Variants in ANKRD53 observed in about 807,000 individuals in gnomAD.
The protein encoded by ANKRD53 is ankyrin repeat domain 53.
A neutral mutation model predicts 30.1 loss-of-function variants in ANKRD53; 27 were observed. That is an observed-to-expected ratio of 0.90 (90% CI 0.66 to 1.24). The LOEUF is 1.24. ANKRD53 is among the 50% of genes most tolerant of loss of function. ANKRD53 has a pLI of 0.00. For missense variants in ANKRD53, 682 were observed against 721.0 expected, an observed-to-expected ratio of 0.95 and a Z score of 0.62; for synonymous variants, 286 against 295.4, an observed-to-expected ratio of 0.97 and a Z score of 0.33.
Position 70,985,076 on chromosome 2 carries a change from C to A in ANKRD53, c.1369C>A (p.Arg457Ser), listed in dbSNP as rs781897587. The A allele has an allele frequency of 1.3e-6, 2 of 1,550,474 alleles. No homozygotes were observed. Among genetic ancestry groups the A allele is most frequent in the Non-Finnish European group, 1.7e-6 (2 of 1,147,002 alleles). Reference protein sequence around the residue: ...VPRLPFEVLLRMLYPRVWPYR... With the variant: ...VPRLPFEVLLSMLYPRVWPYR... Reference sequence around the variant, plus strand: ...GCGGCTGCCTTTTGAGGTGCTGCTGCGCATGCTGTACCCACGTGTATGGCC... The same window carrying A: ...GCGGCTGCCTTTTGAGGTGCTGCTGAGCATGCTGTACCCACGTGTATGGCC... Residue 457 changes from arginine (R) to serine (S), a missense_variant, in exon 6 of 6, where the codon CGC (arginine) becomes AGC (serine). By Grantham distance (110) the Arg-to-Ser change is moderately radical. Coordinates refer to ENST00000360589, the MANE Select transcript of ANKRD53 (RefSeq NM_001115116.2).
Position 70,978,849 on chromosome 2 carries a change from G to C in ANKRD53, c.170+34G>C. On this transcript the variant is annotated intron_variant, in intron 1 of 5. Transcript: ENST00000360589. This position sits in a 1 kb window ranked among gnomAD's most constrained non-coding sequence, Gnocchi z 4.3. ...CGGGAGAAGGTGTCCCGGCTGCAGG[G>C]AGCGAGAACCCGGCCCAGCGCCTCC... 3.3e-6 allele frequency: 5 copies of C among 1,538,006 alleles called. No individual in the cohort carries two copies. Among genetic ancestry groups the C allele is most frequent in the Non-Finnish European group, 4.4e-6 (5 of 1,141,352 alleles).
At position 70,979,235 on chromosome 2, in the gene ANKRD53, GACGGCGATCGGGAGCT is replaced by G. The variant is rs782685696; in HGVS notation, c.312_327del (p.Ala105ThrfsTer18). The G allele has an allele frequency of 9.3e-6, 15 of 1,613,426 alleles. No homozygotes were observed. Among genetic ancestry groups the G allele is most frequent in the African/African-American group, 2.7e-5 (2 of 74,932 alleles). On this transcript the variant is annotated frameshift_variant, in exon 2 of 6. Coordinates refer to ENST00000360589, the MANE Select transcript of ANKRD53 (RefSeq NM_001115116.2). LOFTEE classifies it high-confidence loss of function. ...AGTCCGACCAGACGGCAATCGACCA[GACGGCGATCGGGAGCT>G]ACTACCAGCTGTTCGCAGCGGCTGT...
chr2:70,982,785 G>A lies in ANKRD53; in HGVS notation c.903+88G>A. Reference sequence around the variant, plus strand: ...AGTGACCCACATATTGTGGAGGAGTGGCTAGAAGCACTCCCACCCTGAAAG... The same window carrying A: ...AGTGACCCACATATTGTGGAGGAGTAGCTAGAAGCACTCCCACCCTGAAAG... On this transcript the variant is annotated intron_variant, in intron 5 of 5. Transcript: ENST00000360589. The surrounding 1 kb of genome is among the most constrained non-coding windows in gnomAD (Gnocchi z 4.2). 2.0e-6 allele frequency: 3 copies of A among 1,528,952 alleles called. No individual in the cohort carries two copies. The highest frequency in any genetic ancestry group is 1.2e-5 in the South Asian group (1 of 80,986). 94.7% of individuals were successfully genotyped at this position (1,528,952 alleles called of 1,614,324 possible).
intron 3 of ANKRD53, among the ~76,000 whole-genome samples, chr2:70,980,183 C>T (rs782452453): frequency 1.1e-4 from 17 of 152,152 alleles, no homozygotes; most frequent in Non-Finnish European, 1.5e-4. Context: ...GGCATGGTGG[C>T]GCATGCCTGT....
In ANKRD53 at chr2:70,984,637, T is replaced by A. The variant is rs1558689958; in HGVS notation, c.930T>A (p.Ala310=). 5.6e-6 allele frequency: 9 copies of A among 1,614,016 alleles called. No individual in the cohort carries two copies. In the Admixed American group the frequency reaches 1.2e-4, roughly 21 times the overall value. ...AAGAGCACAAAATTCTCAGAGAAGC[T>A]GCTATCAGAAAGTGGCTCCACGGCA... ...YQKEHKILRE[A]AIRKWLHGKL... Residue 310 remains alanine, a synonymous_variant, in exon 6 of 6, where the codon GCT becomes GCA. Transcript: ENST00000360589.
chr2:70,979,938 T>C (rs1669956772), intron 3 of ANKRD53, 78 bp downstream of exon 3: 3 of 1,543,028 alleles, frequency 1.9e-6, no homozygotes, highest in South Asian at 1.1e-5. Flanking sequence ...GGCAAATCCA[T>C]GCAGGACAAG....
chr2:70,985,492 C>A lies in ANKRD53; in HGVS notation c.*192C>A. The A allele has an allele frequency of 2.0e-6, 1 of 491,534 alleles. No individual in the cohort carries two copies. Among genetic ancestry groups the A allele is most frequent in the African/African-American group, 3.9e-5 (1 of 25,962 alleles). 30.4% of individuals were successfully genotyped at this position (491,534 alleles called of 1,614,324 possible). ...TTCTCTGCAAATAAATCTCTTGGCA[C>A]CCCCCCACCGCCGCCAGGAAATCCA... is the stretch of plus-strand genomic sequence containing the variant. On this transcript the variant is annotated 3_prime_UTR_variant, in exon 6 of 6. Coordinates refer to ENST00000360589, the MANE Select transcript of ANKRD53 (RefSeq NM_001115116.2).
chr2:70,980,708 G>T (rs1669982715), intron 3 of ANKRD53, among the ~76,000 whole-genome samples: 1 of 152,156 alleles, frequency 6.6e-6, no homozygotes, highest in Non-Finnish European at 1.5e-5. Context: ...CACTTTGGGA[G>T]GCTGGGGCGA....
chr2:70,982,772 AT>A lies in ANKRD53; in HGVS notation c.903+77del. ...GAGCAGAGGGGGCAGTGACCCACATATTGTGGAGGAGTGGCTAGAAGCACTC... is the reference window on the plus strand; with the variant it reads ...GAGCAGAGGGGGCAGTGACCCACATATGTGGAGGAGTGGCTAGAAGCACTC... On this transcript the variant is annotated intron_variant, in intron 5 of 5. Coordinates refer to ENST00000360589, the MANE Select transcript of ANKRD53 (RefSeq NM_001115116.2). The surrounding 1 kb of genome is among the most constrained non-coding windows in gnomAD (Gnocchi z 4.2). 1 of 1,568,884 alleles carries A rather than the reference AT, an allele frequency of 6.4e-7. No homozygotes were observed. The highest frequency in any genetic ancestry group is 1.2e-5 in the South Asian group (1 of 86,160).
intron 2 of ANKRD53, 118 bp downstream of exon 2, chr2:70,979,461 T>C: frequency 1.3e-6 from 2 of 1,514,564 alleles, no homozygotes; most frequent in Non-Finnish European, 1.8e-6. Flanking sequence ...TAACTCATCT[T>C]CTGGCTGTGG....
chr2:70,979,454 C>T, intron 2 of ANKRD53, 111 bp downstream of exon 2: 2 of 1,526,480 alleles, frequency 1.3e-6, no homozygotes, highest in Non-Finnish European at 1.8e-6. Flanking sequence ...CCTAATTTAA[C>T]TCATCTTCTG....
intron 5 of ANKRD53, chr2:70,984,272 G>A (rs1670102800): frequency 6.2e-7 from 1 of 1,614,090 alleles, no homozygotes; most frequent in South Asian, 1.1e-5. Flanking sequence ...GTTTTCCCTA[G>A]GGCAGGGACT....
intron 5 of ANKRD53, among the ~76,000 whole-genome samples, chr2:70,983,630 C>T (rs1351377740): frequency 2.0e-5 from 3 of 152,168 alleles, no homozygotes; most frequent in Non-Finnish European, 4.4e-5. Flanking sequence ...TCAGGGTCAC[C>T]AGTCCTCAGA....
chr2:70,981,339 G>A (rs966921670), intron 3 of ANKRD53, among the ~76,000 whole-genome samples: 2 of 152,086 alleles, frequency 1.3e-5, no homozygotes, highest in African/African-American at 2.4e-5. Flanking sequence ...CATGGGAAGT[G>A]GTTATGAAAA....
rs1254089507 is a variant in ANKRD53 at position 70,985,497 on chromosome 2, C to CA, written c.*197_*198insA. The CA allele has an allele frequency of 6.9e-6, 4 of 583,920 alleles. No homozygotes were observed. Among genetic ancestry groups the CA allele is most frequent in the South Asian group, 4.2e-5 (2 of 47,074 alleles). The allele number at this position is 583,920 out of a possible 1,614,324, so 36.2% of individuals were successfully genotyped here. Reference sequence around the variant, plus strand: ...TGCAAATAAATCTCTTGGCACCCCCCCACCGCCGCCAGGAAATCCAAGTTA... The same window carrying CA: ...TGCAAATAAATCTCTTGGCACCCCCCACACCGCCGCCAGGAAATCCAAGTTA... On this transcript the variant is annotated 3_prime_UTR_variant, in exon 6 of 6. Coordinates refer to ENST00000360589, the MANE Select transcript of ANKRD53 (RefSeq NM_001115116.2).
In ANKRD53 at chr2:70,982,043, C is replaced by A. The variant is rs782714533; in HGVS notation, c.725C>A (p.Ala242Asp). The A allele has an allele frequency of 6.2e-7, 1 of 1,613,672 alleles. No individual in the cohort carries two copies. The highest frequency in any genetic ancestry group is 8.5e-7 in the Non-Finnish European group (1 of 1,179,792). Residue 242 changes from alanine (A) to aspartate (D), a missense_variant, in exon 4 of 6, where the codon GCC becomes GAC. Transcript: ENST00000360589. This position sits in a 1 kb window ranked among gnomAD's most constrained non-coding sequence, Gnocchi z 4.2. ...QSGANVHAQD[A>D]MGYKPIDFCK... Reference sequence around the variant, plus strand: ...GGCGCCAACGTCCATGCCCAAGATGCCATGGGCTACAAACCCATTGACTTC... The same window carrying A: ...GGCGCCAACGTCCATGCCCAAGATGACATGGGCTACAAACCCATTGACTTC...
Position 70,979,759 on chromosome 2 carries a change from C to T in ANKRD53, c.516C>T (p.Asn172=). 1 of 1,614,260 alleles carries T rather than the reference C, an allele frequency of 6.2e-7. No individual in the cohort carries two copies. Among genetic ancestry groups the T allele is most frequent in the Admixed American group, 1.7e-5 (1 of 60,036 alleles). ...AGTTTCCCGTGGACCTGCTGACCAACAATAGCCAGACACCCCTGCACCTCG... is the reference window on the plus strand; with the variant it reads ...AGTTTCCCGTGGACCTGCTGACCAATAATAGCCAGACACCCCTGCACCTCG... ...EYKFPVDLLT[N]NSQTPLHLVI... The change falls in exon 3 of 6, where the codon AAC becomes AAT. Residue 172 remains asparagine, a synonymous_variant. Transcript: ENST00000360589.
At position 70,982,444 on chromosome 2, in the gene ANKRD53, G is replaced by A; in HGVS notation, c.783-133G>A. 7.8e-7 allele frequency: 1 copy of A among 1,288,640 alleles called. No individual in the cohort carries two copies. Among genetic ancestry groups the A allele is most frequent in the Non-Finnish European group, 1.1e-6 (1 of 932,276 alleles). 79.8% of individuals were successfully genotyped at this position (1,288,640 alleles called of 1,614,324 possible). On this transcript the variant is annotated intron_variant, in intron 4 of 5. Transcript: ENST00000360589. This position sits in a 1 kb window ranked among gnomAD's most constrained non-coding sequence, Gnocchi z 4.2. ...CCAGAGGGCCCCGGGCAATGGGGAT[G>A]GCTCATCTTGCTCCTCTCCCTCTGG... is the stretch of plus-strand genomic sequence containing the variant.
Position 70,978,978 on chromosome 2 carries a change from G to A in ANKRD53, c.171-119G>A, listed in dbSNP as rs1306687602. The A allele has an allele frequency of 6.9e-7, 1 of 1,445,858 alleles. No homozygotes were observed. The highest frequency in any genetic ancestry group is 9.1e-7 in the Non-Finnish European group (1 of 1,100,830). 89.6% of individuals were successfully genotyped at this position (1,445,858 alleles called of 1,614,324 possible). A position where few individuals can be genotyped will look rare whatever the true frequency, so the allele number is the denominator to read the frequency against. ...TCGCCTCCCGAGAGGTGCCTAGGCC[G>A]TGGCCCAGAGTCGCTTCCCCACTGC... On this transcript the variant is annotated intron_variant, in intron 1 of 5. Transcript: ENST00000360589. The surrounding 1 kb of genome is among the most constrained non-coding windows in gnomAD (Gnocchi z 4.3).
Sources: gnomAD v4.1 joint callset for allele counts (sites outside exome capture counted in the v4.1 genomes callset) on GRCh38, gnomAD v4.1.1 for gene constraint, Gnocchi (gnomAD v3.1) non-coding constraint, MANE v1.5 for transcripts, NCBI Gene and HGNC (gene_info 2026-07-23, HGNC 2026-07-21) for gene names.